Variants in ZMAT4 observed in about 807,000 individuals in gnomAD.
The protein encoded by ZMAT4 is zinc finger matrin-type 4, also known as zinc finger matrin-type protein 4.
A neutral mutation model predicts 28.7 loss-of-function variants in ZMAT4; 17 were observed. That is an observed-to-expected ratio of 0.59 (90% CI 0.41 to 0.89). The LOEUF is 0.89. ZMAT4 is among the 40% of genes least tolerant of loss of function. The pLI, the probability that ZMAT4 is intolerant of heterozygous loss-of-function variation, is 0.00. For missense variants in ZMAT4, 240 were observed against 283.8 expected, an observed-to-expected ratio of 0.85 and a Z score of 1.11; for synonymous variants, 117 against 109.2, an observed-to-expected ratio of 1.07 and a Z score of -0.44.
chr8:40,785,455 T>C (rs1206900505), intron 2 of ZMAT4, among the ~76,000 whole-genome samples: 1 of 152,220 alleles, frequency 6.6e-6, no homozygotes, highest in Non-Finnish European at 1.5e-5. Flanking sequence ...AAAACGCTCC[T>C]TGGTTTGAAA....
At chr8:40,818,702 A>T (rs1338712379) in intron 2 of ZMAT4, among the ~76,000 whole-genome samples, 1 of 152,194 alleles carries the variant, frequency 6.6e-6, no homozygotes, top group Non-Finnish European at 1.5e-5. Flanking sequence ...GTGTGGGCCT[A>T]GCAGGCCCCG....
intron 3 of ZMAT4, among the ~76,000 whole-genome samples, chr8:40,724,305 T>C (rs1174687865): frequency 6.6e-6 from 1 of 152,212 alleles, no homozygotes; most frequent in African/African-American, 2.4e-5. Flanking sequence ...GTGGTCTCTA[T>C]GGTGGACCAA....
chr8:40,772,953 A>G (rs555228474), intron 2 of ZMAT4, among the ~76,000 whole-genome samples: 1 of 152,314 alleles, frequency 6.6e-6, no homozygotes, highest in East Asian at 1.9e-4. Flanking sequence ...TCCATCACAC[A>G]GGATGAAATG....
intron 3 of ZMAT4, among the ~76,000 whole-genome samples, chr8:40,746,040 T>A (rs746862049): frequency 4.6e-5 from 7 of 152,154 alleles, no homozygotes; most frequent in Non-Finnish European, 5.9e-5. Flanking sequence ...TCGCAGCCAG[T>A]AGGTTTCCCG....
chr8:40,875,282 AT>A (rs1453808564), intron 1 of ZMAT4, among the ~76,000 whole-genome samples: 2 of 152,096 alleles, frequency 1.3e-5, no homozygotes, highest in Non-Finnish European at 2.9e-5. Flanking sequence ...GTGTGCTCAA[AT>A]CAAATGTACC....
chr8:40,609,663 A>AT (rs5891108), intron 5 of ZMAT4, among the ~76,000 whole-genome samples: 22,739 of 150,574 alleles, frequency 0.15, 2,306 homozygotes, highest in African/African-American at 0.28. Context: ...GTAAGGTAAG[A>AT]TTTTTTTTTT....
intron 1 of ZMAT4, among the ~76,000 whole-genome samples, chr8:40,883,801 C>A (rs1818360120): frequency 6.6e-6 from 1 of 152,128 alleles, no homozygotes; most frequent in Admixed American, 6.5e-5. Context: ...TGGGCAACAA[C>A]TCTTGTTTCT....
At chr8:40,756,455 T>TATATATATATATATATATATATATATAC (rs1171649512) in intron 3 of ZMAT4, among the ~76,000 whole-genome samples, 2 of 122,654 alleles carry the variant, frequency 1.6e-5, no homozygotes, top group African/African-American at 2.9e-5. Flanking sequence ...TATATATATA[T>TATATATATATATATATATATATATATAC]ATACACACTT....
At chr8:40,700,974 G>C (rs1461780962) in intron 3 of ZMAT4, among the ~76,000 whole-genome samples, 1 of 152,162 alleles carries the variant, frequency 6.6e-6, no homozygotes, top group Non-Finnish European at 1.5e-5. Context: ...TGAATGAGTG[G>C]AGCAGAGGGT....
chr8:40,890,065 T>A lies in ZMAT4; in HGVS notation c.-5+7618A>T, dbSNP rs867836949. The stretch of plus-strand genomic sequence containing the variant: ...CGATAACTTGTTTTAATTTCACATT[T>A]TTGTTATTAGTGAGGAGAGACACTT... On this transcript the variant is annotated intron_variant, in intron 1 of 6. Transcript: ENST00000297737. Among the ~76,000 whole-genome samples, 9 of 152,390 alleles carry A rather than the reference T, an allele frequency of 5.9e-5. No homozygotes were observed. In the South Asian group the frequency reaches 1.9e-3, roughly 32 times the overall value.
intron 5 of ZMAT4, among the ~76,000 whole-genome samples, chr8:40,643,610 A>G (rs1381373624): frequency 6.6e-6 from 1 of 152,238 alleles, no homozygotes; most frequent in Non-Finnish European, 1.5e-5. Flanking sequence ...TAAAATGATA[A>G]TTACTGCCCA....
intron 4 of ZMAT4, among the ~76,000 whole-genome samples, chr8:40,677,393 A>G (rs1156923221): frequency 6.6e-6 from 1 of 152,040 alleles, no homozygotes; most frequent in African/African-American, 2.4e-5. Context: ...AGGCAGTAGC[A>G]TAAAAACAGC....
chr8:40,830,181 A>T (rs554323486), intron 1 of ZMAT4, among the ~76,000 whole-genome samples: 1 of 152,274 alleles, frequency 6.6e-6, no homozygotes, highest in South Asian at 2.1e-4. Flanking sequence ...AAAGAGTCAT[A>T]TTCTTTTTAA....
intron 2 of ZMAT4, among the ~76,000 whole-genome samples, chr8:40,810,981 A>T (rs1300447634): frequency 2.0e-5 from 3 of 152,200 alleles, no homozygotes; most frequent in Non-Finnish European, 4.4e-5. Context: ...TATATATCAA[A>T]TATTGACTAG....
intron 1 of ZMAT4, among the ~76,000 whole-genome samples, chr8:40,849,002 C>T (rs1313297020): frequency 6.6e-6 from 1 of 152,382 alleles, no homozygotes; most frequent in East Asian, 1.9e-4. Flanking sequence ...CGCTCTGTGT[C>T]CTGACAGATG....
chr8:40,628,683 T>C (rs1806462544), intron 5 of ZMAT4, among the ~76,000 whole-genome samples: 1 of 152,178 alleles, frequency 6.6e-6, no homozygotes, highest in Non-Finnish European at 1.5e-5. Flanking sequence ...GGTTGGTAGC[T>C]GGATGGCATC....
chr8:40,692,412 C>T (rs992459067), intron 4 of ZMAT4, among the ~76,000 whole-genome samples: 21 of 152,200 alleles, frequency 1.4e-4, no homozygotes, highest in African/African-American at 5.1e-4. Context: ...AAGCTTATAA[C>T]TGAAACAATA....
chr8:40,551,451 C>T (rs1013448531), intron 6 of ZMAT4, among the ~76,000 whole-genome samples: 2 of 152,094 alleles, frequency 1.3e-5, no homozygotes, highest in Admixed American at 6.5e-5. Flanking sequence ...TAACATTTTG[C>T]AATTGTGTTA....
chr8:40,719,212 C>T (rs1005567373), intron 3 of ZMAT4, among the ~76,000 whole-genome samples: 11 of 152,000 alleles, frequency 7.2e-5, no homozygotes, highest in Admixed American at 2.0e-4. Context: ...GAGGCTGAGA[C>T]GGCGAATTAT....
Sources: allele counts gnomAD v4.1 joint callset (sites outside exome capture counted in the v4.1 genomes callset), GRCh38; gene constraint gnomAD v4.1.1; transcripts MANE v1.5; gene names NCBI Gene and HGNC (gene_info 2026-07-23, HGNC 2026-07-21).